MAN2A1: variants seen among roughly 807,000 people sequenced by gnomAD.
MAN2A1 encodes alpha-mannosidase 2.
In MAN2A1, 76 loss-of-function variants were observed where a neutral mutation model predicts 142.6. The ratio of observed to expected loss-of-function variants is 0.53; its 90% CI spans 0.44 to 0.65. The LOEUF (loss-of-function observed/expected upper bound fraction) is 0.65, where lower values mean the gene tolerates loss of function less well. MAN2A1 is among the 30% of genes least tolerant of loss of function. The pLI, the probability that MAN2A1 is intolerant of heterozygous loss-of-function variation, is 0.00. For missense variants in MAN2A1, 1,311 were observed against 1,365.1 expected, an observed-to-expected ratio of 0.96 and a Z score of 0.62; for synonymous variants, 559 against 473.2, an observed-to-expected ratio of 1.18 and a Z score of -2.35.
chr5:109,760,085 C>G (rs923952296), intron 5 of MAN2A1, among the ~76,000 whole-genome samples: 6 of 152,004 alleles, frequency 3.9e-5, no homozygotes, highest in Admixed American at 3.3e-4. Flanking sequence ...TTTGCTGCAC[C>G]CATCAACCTG....
chr5:109,789,524 C>G lies in MAN2A1; in HGVS notation c.1940C>G (p.Pro647Arg). The G allele has an allele frequency of 6.4e-7, 1 of 1,563,226 alleles. No homozygotes were observed. The highest frequency in any genetic ancestry group is 1.8e-5 in the Admixed American group (1 of 54,080). ...QKNIIRLSAE[P>R]RYLVVYNPLE... Reference sequence around the variant, plus strand: ...AATATAATAAGGCTGAGTGCGGAGCCAAGGTAAATTCATAATTTCTTACAA... The same window carrying G: ...AATATAATAAGGCTGAGTGCGGAGCGAAGGTAAATTCATAATTTCTTACAA... Residue 647 changes from proline to arginine, a missense_variant, in exon 12 of 22, where the codon CCA (proline) becomes CGA (arginine). Physicochemically the swap from Pro to Arg is moderately radical, Grantham distance 103 (BLOSUM62 -2). Transcript: ENST00000261483.
At chr5:109,818,032 T>C (rs1335495597) in intron 13 of MAN2A1, among the ~76,000 whole-genome samples, 1 of 152,294 alleles carries the variant, frequency 6.6e-6, no homozygotes, top group East Asian at 1.9e-4. Context: ...GGTTAGACTT[T>C]TAAAATCTGG....
At chr5:109,745,421 T>C (rs1196759099) in intron 4 of MAN2A1, among the ~76,000 whole-genome samples, 1 of 152,160 alleles carries the variant, frequency 6.6e-6, no homozygotes, top group Non-Finnish European at 1.5e-5. Context: ...TAACCCTTTG[T>C]GCATATATAT....
At chr5:109,837,014 AC>A (rs1440588914) in intron 16 of MAN2A1, among the ~76,000 whole-genome samples, 1 of 150,960 alleles carries the variant, frequency 6.6e-6, no homozygotes, top group East Asian at 1.9e-4. Context: ...CATTTGTGAC[AC>A]AGCATTCCAT....
At chr5:109,800,174 C>A (rs918564049) in intron 12 of MAN2A1, among the ~76,000 whole-genome samples, 4 of 151,732 alleles carry the variant, frequency 2.6e-5, no homozygotes, top group Non-Finnish European at 5.9e-5. Context: ...TGCACACATA[C>A]ACCATTTGCC....
intron 12 of MAN2A1, among the ~76,000 whole-genome samples, chr5:109,810,170 A>C (rs1754278028): frequency 6.6e-6 from 1 of 151,370 alleles, no homozygotes; most frequent in African/African-American, 2.4e-5. Context: ...ATGTCAGCTA[A>C]CTTCAATATC....
chr5:109,784,995 T>C, intron 10 of MAN2A1, 69 bp downstream of exon 10: 1 of 1,189,996 alleles, frequency 8.4e-7, no homozygotes, highest in Non-Finnish European at 1.2e-6. Context: ...ATTATATCTT[T>C]TGGTGAAGTT....
chr5:109,763,799 T>G (rs560710784), intron 5 of MAN2A1, among the ~76,000 whole-genome samples: 5 of 151,950 alleles, frequency 3.3e-5, no homozygotes, highest in Admixed American at 2.0e-4. Flanking sequence ...AATTGACCAT[T>G]ATAACTTTTT....
intron 4 of MAN2A1, among the ~76,000 whole-genome samples, chr5:109,743,109 C>T (rs1440048062): frequency 6.6e-6 from 1 of 152,176 alleles, no homozygotes; most frequent in Non-Finnish European, 1.5e-5. Context: ...CCTCTTTTGG[C>T]TTTGAAGTGA....
chr5:109,713,692 T>G lies in MAN2A1; in HGVS notation c.308T>G (p.Leu103Arg). The change falls in exon 2 of 22, where the codon CTG becomes CGG. Residue 103 changes from leucine (L) to arginine (R), a missense_variant. Around this residue, in one of 3 missense-constraint regions of MAN2A1, gnomAD observed 409 missense variants for 412.7 expected, o/e 0.99. Transcript: ENST00000261483. ...NFSQGAGSHL[L>R]PSQLSLSVDT... The stretch of plus-strand genomic sequence containing the variant: ...AGCCAAGGTGCTGGCTCACATCTTC[T>G]GCCCTCACAATTATCCCTCTCAGTT... 1.2e-6 allele frequency: 2 copies of G among 1,614,224 alleles called. No individual in the cohort carries two copies. The highest frequency in any genetic ancestry group is 2.2e-5 in the South Asian group (2 of 91,092).
intron 5 of MAN2A1, among the ~76,000 whole-genome samples, chr5:109,758,079 T>C (rs1307590636): frequency 2.6e-5 from 4 of 152,178 alleles, no homozygotes; most frequent in African/African-American, 9.6e-5. Context: ...TAAAAATGTT[T>C]AGCATTTTGA....
chr5:109,740,198 A>G (rs566410303), intron 4 of MAN2A1, among the ~76,000 whole-genome samples: 13 of 152,304 alleles, frequency 8.5e-5, no homozygotes, highest in Middle Eastern at 3.4e-3. Flanking sequence ...CCTCTGTTGG[A>G]GAATTACATC....
At chr5:109,832,382 G>C (rs1457777559) in intron 16 of MAN2A1, among the ~76,000 whole-genome samples, 1 of 151,708 alleles carries the variant, frequency 6.6e-6, no homozygotes, top group African/African-American at 2.4e-5. Context: ...GACTCTTAAC[G>C]AGCATGCTGC....
chr5:109,839,078 A>G (rs1028729717), intron 16 of MAN2A1, among the ~76,000 whole-genome samples: 1 of 152,084 alleles, frequency 6.6e-6, no homozygotes, highest in African/African-American at 2.4e-5. Flanking sequence ...AAAACATAAA[A>G]TAGTACTAAA....
chr5:109,840,001 A>G (rs895618038), intron 16 of MAN2A1: 1 of 152,816 alleles, frequency 6.5e-6, no homozygotes, highest in Admixed American at 6.6e-5. Flanking sequence ...AACACATGCT[A>G]GGAGGCTTCA....
intron 1 of MAN2A1, among the ~76,000 whole-genome samples, chr5:109,697,862 C>A (rs1265254890): frequency 6.6e-6 from 1 of 152,214 alleles, no homozygotes; most frequent in Non-Finnish European, 1.5e-5. Flanking sequence ...AAGCATTGGT[C>A]AAACTTTGTG....
At chr5:109,728,746 T>C (rs1751817990) in intron 3 of MAN2A1, among the ~76,000 whole-genome samples, 1 of 152,222 alleles carries the variant, frequency 6.6e-6, no homozygotes, top group African/African-American at 2.4e-5. Flanking sequence ...TCTAAGGAAT[T>C]GAATAATGAA....
chr5:109,792,380 C>T (rs567237174), intron 12 of MAN2A1, among the ~76,000 whole-genome samples: 97 of 152,000 alleles, frequency 6.4e-4, no homozygotes, highest in Middle Eastern at 3.4e-3. Context: ...AGCCATACTT[C>T]GTGCCTGAAT....
In MAN2A1 at chr5:109,833,244, C is replaced by T. The variant is rs367639189; in HGVS notation, c.2567-9084C>T. 3.2e-4 allele frequency among the ~76,000 whole-genome samples: 48 copies of T among 152,114 alleles called. 1 individual carries two copies. Among genetic ancestry groups the T allele is most frequent in the South Asian group, 2.7e-3 (13 of 4,800 alleles). On this transcript the variant is annotated intron_variant, in intron 16 of 21. Coordinates refer to ENST00000261483, the MANE Select transcript of MAN2A1 (RefSeq NM_002372.4). ...CAGACGATGGGCGGCCAGGCAGAGA[C>T]GCTCCTCGCTTCCCAGACAGGGTGG...
Sources: gnomAD v4.1 joint callset for allele counts (sites outside exome capture counted in the v4.1 genomes callset) on GRCh38, gnomAD v4.1.1 for gene constraint, gnomAD v4.1.1 regional missense constraint, MANE v1.5 for transcripts, NCBI Gene and HGNC (gene_info 2026-07-23, HGNC 2026-07-21) for gene names.